WDSUB1: variants seen among roughly 807,000 people sequenced by gnomAD.
The protein encoded by WDSUB1 is WD repeat, SAM and U-box domain-containing protein 1.
WDSUB1 carries 49 observed loss-of-function variants against 53.9 expected under a neutral mutation model. The observed-to-expected ratio is 0.91, with a 90% CI of 0.72 to 1.15. WDSUB1 has a LOEUF of 1.15. WDSUB1 is among the 50% of genes most tolerant of loss of function. The pLI is 0.00. For synonymous variants in WDSUB1, 194 were observed against 200.6 expected, an observed-to-expected ratio of 0.97 and a Z score of 0.28; for missense variants, 514 against 562.0, an observed-to-expected ratio of 0.91 and a Z score of 0.86.
intron 5 of WDSUB1, 110 bp downstream of exon 5, chr2:159,271,592 G>T: frequency 1.1e-6 from 1 of 914,300 alleles, no homozygotes; most frequent in South Asian, 1.6e-5. Flanking sequence ...TCTATTTCTT[G>T]ACCTTTGTGG....
chr2:159,274,642 C>CTGT (rs1246395319), intron 4 of WDSUB1, among the ~76,000 whole-genome samples: 2 of 150,412 alleles, frequency 1.3e-5, no homozygotes, highest in Non-Finnish European at 2.9e-5. Flanking sequence ...AGTGTCTACT[C>CTGT]CCTAAGTCCC....
chr2:159,249,896 T>TCTC (rs1276231982), intron 9 of WDSUB1, among the ~76,000 whole-genome samples: 1 of 140,510 alleles, frequency 7.1e-6, no homozygotes, highest in Non-Finnish European at 1.6e-5. Flanking sequence ...CAAAACCCCA[T>TCTC]CTCTATTAAA....
intron 5 of WDSUB1, among the ~76,000 whole-genome samples, chr2:159,261,884 ATATATATATATATTT>A (rs2061220361): frequency 5.1e-5 from 1 of 19,760 alleles, no homozygotes. Flanking sequence ...ATATATATAT[ATATATATATATATTT>A]TTTTTTTTTT....
intron 9 of WDSUB1, among the ~76,000 whole-genome samples, chr2:159,253,748 A>T (rs1175341988): frequency 2.0e-5 from 3 of 152,228 alleles, no homozygotes; most frequent in Admixed American, 6.5e-5. Flanking sequence ...TCACCTCAAC[A>T]TATTTGTTTC....
chr2:159,249,737 A>G (rs72955998), intron 9 of WDSUB1, among the ~76,000 whole-genome samples: 59,439 of 151,548 alleles, frequency 0.39, 13,399 homozygotes, highest in Non-Finnish European at 0.54. Flanking sequence ...CAGCTGTGAC[A>G]TAAACATAAA....
intron 10 of WDSUB1, among the ~76,000 whole-genome samples, chr2:159,244,611 C>CAAATTGTACAGTTATAAA (rs752012811): frequency 6.6e-6 from 1 of 152,102 alleles, no homozygotes; most frequent in East Asian, 1.9e-4. Flanking sequence ...TCTATTTGCT[C>CAAATTGTACAGTTATAAA]AAATTGTACA....
intron 5 of WDSUB1, among the ~76,000 whole-genome samples, chr2:159,269,165 ATTTTTTTT>A (rs11324784): frequency 3.3e-4 from 36 of 108,326 alleles, no homozygotes; most frequent in African/African-American, 1.2e-3. Flanking sequence ...CTTTCCACAG[ATTTTTTTT>A]TTTTTTTTTT....
intron 5 of WDSUB1, among the ~76,000 whole-genome samples, chr2:159,266,626 C>G (rs905957299): frequency 6.6e-6 from 1 of 152,204 alleles, no homozygotes; most frequent in African/African-American, 2.4e-5. Flanking sequence ...CTTTTCATCT[C>G]TAGCCACTTA....
At chr2:159,257,622 A>C in intron 8 of WDSUB1, 136 bp downstream of exon 8, 1 of 681,970 alleles carries the variant, frequency 1.5e-6, no homozygotes, top group Non-Finnish European at 2.6e-6. Flanking sequence ...TTCTGACCTC[A>C]AGTGATACAC....
At chr2:159,249,295 C>T (rs1344247181) in intron 9 of WDSUB1, among the ~76,000 whole-genome samples, 1 of 152,158 alleles carries the variant, frequency 6.6e-6, no homozygotes, top group African/African-American at 2.4e-5. Context: ...ATCTGTTTGT[C>T]CAAACCATAA....
chr2:159,280,266 A>ACCAGAAAAGCATT (rs2061627181), intron 2 of WDSUB1, among the ~76,000 whole-genome samples: 1 of 152,246 alleles, frequency 6.6e-6, no homozygotes, highest in African/African-American at 2.4e-5. Flanking sequence ...AAAATATGTA[A>ACCAGAAAAGCATT]AACTTAACCA....
intron 9 of WDSUB1, among the ~76,000 whole-genome samples, chr2:159,250,808 T>TA (rs2060934392): frequency 6.6e-6 from 1 of 152,118 alleles, no homozygotes; most frequent in Non-Finnish European, 1.5e-5. Flanking sequence ...AGTGGGGTAT[T>TA]AGAGGATGAG....
chr2:159,262,918 T>C (rs1423782331), intron 5 of WDSUB1, among the ~76,000 whole-genome samples: 1 of 152,210 alleles, frequency 6.6e-6, no homozygotes, highest in African/African-American at 2.4e-5. Flanking sequence ...CCCCAAATTT[T>C]CAGTACATAC....
chr2:159,264,694 G>C (rs2061300412), intron 5 of WDSUB1, among the ~76,000 whole-genome samples: 1 of 152,152 alleles, frequency 6.6e-6, no homozygotes, highest in Non-Finnish European at 1.5e-5. Flanking sequence ...AGACTGCAGT[G>C]GTCCATGCTG....
At chr2:159,258,068 G>T in intron 6 of WDSUB1, 83 bp from the exon 7 acceptor site, 2 of 1,178,152 alleles carry the variant, frequency 1.7e-6, no homozygotes, top group Non-Finnish European at 2.5e-6. Flanking sequence ...TAAATGGGTT[G>T]TATACTAAGT....
At chr2:159,242,799 T>G (rs527770248) in intron 10 of WDSUB1, among the ~76,000 whole-genome samples, 1 of 148,256 alleles carries the variant, frequency 6.7e-6, no homozygotes, top group Admixed American at 6.6e-5. Context: ...CGCTTGTCTG[T>G]TTTTCACTAA....
chr2:159,279,940 C>T lies in WDSUB1; in HGVS notation c.404G>A (p.Gly135Asp). The change falls in exon 3 of 11, where the codon GGT becomes GAT. Residue 135 changes from glycine (G) to aspartate (D), a missense_variant. Physicochemically the swap from Gly to Asp is moderately conservative, Grantham distance 94. Coordinates refer to ENST00000359774, the MANE Select transcript of WDSUB1 (RefSeq NM_001128212.3). ...CGCCAAGGAGCCATCTTTAACACTA[C>T]CACATCTGAAATAAAAGCAAAAAGT... ...NAQSYKLYRC[G>D]SVKDGSLAAC... 1.2e-6 allele frequency: 2 copies of T among 1,604,896 alleles called. No individual in the cohort carries two copies. Among genetic ancestry groups the T allele is most frequent in the East Asian group, 2.2e-5 (1 of 44,744 alleles).
intron 1 of WDSUB1, among the ~76,000 whole-genome samples, chr2:159,284,039 T>C (rs1343594690): frequency 6.6e-6 from 1 of 152,112 alleles, no homozygotes; most frequent in Non-Finnish European, 1.5e-5. Flanking sequence ...CTTGAACTCC[T>C]GGCCTCAAGT....
At chr2:159,280,344 T>C (rs1187435066) in intron 2 of WDSUB1, among the ~76,000 whole-genome samples, 1 of 152,202 alleles carries the variant, frequency 6.6e-6, no homozygotes, top group African/African-American at 2.4e-5. Context: ...AAACTATTTT[T>C]ATTGGAAAAT....
Sources: allele counts gnomAD v4.1 joint callset (sites outside exome capture counted in the v4.1 genomes callset), GRCh38; gene constraint gnomAD v4.1.1; transcripts MANE v1.5; gene names NCBI Gene and HGNC (gene_info 2026-07-23, HGNC 2026-07-21).